The following RANBP2 variants were observed in gnomAD, a reference collection of about 807,000 sequenced individuals.
RANBP2 encodes the protein RAN binding protein 2, also known as E3 SUMO-protein ligase RanBP2.
RANBP2 carries 57 observed loss-of-function variants against 303.6 expected under a neutral mutation model. That is an observed-to-expected ratio of 0.19 (90% CI 0.15 to 0.23). The LOEUF is 0.23. Among genes scored for constraint, RANBP2 ranks in the 10% least tolerant of loss-of-function variants. RANBP2 has a pLI of 1.00. For missense variants in RANBP2, 3,138 were observed against 3,780.8 expected (o/e 0.83, Z 4.46); for synonymous variants, 1,167 against 1,301.5 (o/e 0.90, Z 2.23).
At chr2:109,490,742 C>G in the RANBP2 span, 4 of 1,536,192 alleles carry the variant, frequency 2.6e-6, no homozygotes, top group African/African-American at 5.5e-5. Flanking sequence ...CAGTGGGCCC[C>G]GAAGTGTCCT....
the RANBP2 span, among the ~76,000 whole-genome samples, chr2:108,888,718 C>T: frequency 4.6e-5 from 7 of 151,602 alleles, no homozygotes; most frequent in African/African-American, 1.5e-4. Flanking sequence ...TTTAGCTAAC[C>T]GTGTATCAAT....
chr2:109,439,367 T>A, the RANBP2 span, among the ~76,000 whole-genome samples: 1 of 152,176 alleles, frequency 6.6e-6, no homozygotes, highest in Admixed American at 6.5e-5. Context: ...CTGAGCCATA[T>A]CAGTAAATTA....
intron 1 of RANBP2, among the ~76,000 whole-genome samples, chr2:108,725,008 A>G (rs2149077733): frequency 6.6e-6 from 1 of 152,308 alleles, no homozygotes; most frequent in South Asian, 2.1e-4. Context: ...AAAGTAGGCC[A>G]CAAATATTAA....
the RANBP2 span, among the ~76,000 whole-genome samples, chr2:108,926,705 G>T: frequency 1.3e-5 from 2 of 152,226 alleles, no homozygotes; most frequent in Admixed American, 6.5e-5. Context: ...CTCGGGTGCT[G>T]CTCATTGTTC....
the RANBP2 span, among the ~76,000 whole-genome samples, chr2:109,722,770 T>C: frequency 6.6e-5 from 10 of 152,230 alleles, no homozygotes; most frequent in Admixed American, 1.3e-4. Context: ...CTGAAGATAA[T>C]GGCTTCCAAA....
chr2:109,647,118 CT>C, the RANBP2 span, among the ~76,000 whole-genome samples: 1 of 145,572 alleles, frequency 6.9e-6, no homozygotes, highest in African/African-American at 2.6e-5. Context: ...GTGCGTGATC[CT>C]TTTGGGAAGT....
chr2:109,548,412 G>A, the RANBP2 span, among the ~76,000 whole-genome samples: 15 of 152,200 alleles, frequency 9.9e-5, no homozygotes, highest in Non-Finnish European at 2.1e-4. Context: ...ATAGCTGGGC[G>A]TGATGGCTCA....
chr2:109,146,341 G>A, the RANBP2 span, among the ~76,000 whole-genome samples: 1 of 152,128 alleles, frequency 6.6e-6, no homozygotes, highest in Admixed American at 6.5e-5. Flanking sequence ...CTTCCCAAAG[G>A]TGGCCAGGGC....
intron 6 of RANBP2, among the ~76,000 whole-genome samples, chr2:108,737,939 C>T (rs767657955): frequency 4.8e-4 from 73 of 151,922 alleles, no homozygotes; most frequent in Non-Finnish European, 8.5e-4. Context: ...TGGTCTCGAT[C>T]TCCTGACCTC....
the RANBP2 span, among the ~76,000 whole-genome samples, chr2:108,827,054 T>C: frequency 6.6e-6 from 1 of 152,204 alleles, no homozygotes; most frequent in South Asian, 2.1e-4. Flanking sequence ...ACATTACTAA[T>C]ATATGGTTAC....
the RANBP2 span, among the ~76,000 whole-genome samples, chr2:109,489,162 T>C: frequency 2.0e-5 from 3 of 152,354 alleles, no homozygotes; most frequent in Middle Eastern, 3.4e-3. Context: ...TCCCTCTCTA[T>C]TGCATAAGCA....
chr2:109,050,940 A>G, the RANBP2 span, among the ~76,000 whole-genome samples: 1 of 152,146 alleles, frequency 6.6e-6, no homozygotes, highest in East Asian at 1.9e-4. Context: ...TTTAGTATCA[A>G]CTTCCCATCC....
chr2:109,146,857 C>G, the RANBP2 span, among the ~76,000 whole-genome samples: 201 of 73,584 alleles, frequency 2.7e-3, 6 homozygotes, highest in African/African-American at 0.011. Context: ...TCCCCTCCCT[C>G]TCTTCCCCTC....
At chr2:109,460,712 C>T in the RANBP2 span, among the ~76,000 whole-genome samples, 1 of 152,202 alleles carries the variant, frequency 6.6e-6, no homozygotes, top group South Asian at 2.1e-4. Flanking sequence ...TTCCAATTTC[C>T]TTGTCACCAA....
chr2:108,906,292 T>G, the RANBP2 span: 1 of 1,319,842 alleles, frequency 7.6e-7, no homozygotes, highest in Non-Finnish European at 9.8e-7. Flanking sequence ...TCTCCCAGGC[T>G]TTTTTTTCAG....
At chr2:109,640,148 A>G in the RANBP2 span, among the ~76,000 whole-genome samples, 2 of 151,010 alleles carry the variant, frequency 1.3e-5, no homozygotes, top group Admixed American at 6.6e-5. Flanking sequence ...AGTCCCACGA[A>G]TGCTTAGAAA....
chr2:108,950,448 T>C, the RANBP2 span, among the ~76,000 whole-genome samples: 1 of 152,072 alleles, frequency 6.6e-6, no homozygotes, highest in African/African-American at 2.4e-5. Context: ...GTAGAGCATG[T>C]TGTATTTCTG....
the RANBP2 span, among the ~76,000 whole-genome samples, chr2:109,373,531 T>C: frequency 6.6e-6 from 1 of 152,170 alleles, no homozygotes; most frequent in African/African-American, 2.4e-5. Context: ...CCAAGTGAAA[T>C]TTTTGAAAGA....
At chr2:108,821,150 G>A in the RANBP2 span, among the ~76,000 whole-genome samples, 1 of 152,154 alleles carries the variant, frequency 6.6e-6, no homozygotes, top group Non-Finnish European at 1.5e-5. Flanking sequence ...CTGAGGTCAG[G>A]AGTTTGAGAC....
Sources: gnomAD v4.1 joint callset for allele counts (sites outside exome capture counted in the v4.1 genomes callset) on GRCh38, gnomAD v4.1.1 for gene constraint, MANE v1.5 for transcripts, NCBI Gene and HGNC (gene_info 2026-07-23, HGNC 2026-07-21) for gene names.